Variants in VAV3 observed in about 807,000 individuals in gnomAD.
VAV3 encodes guanine nucleotide exchange factor VAV3.
VAV3 carries 94 observed loss-of-function variants against 131.2 expected under a neutral mutation model. That is an observed-to-expected ratio of 0.72 (90% CI 0.61 to 0.85). The LOEUF is 0.85. Among genes scored for constraint, VAV3 ranks in the 40% least tolerant of loss-of-function variants. The pLI, the probability that VAV3 is intolerant of heterozygous loss-of-function variation, is 0.00. For missense variants in VAV3, 939 were observed against 1,002.7 expected, an observed-to-expected ratio of 0.94 and a Z score of 0.86; for synonymous variants, 349 against 342.0, an observed-to-expected ratio of 1.02 and a Z score of -0.22.
At chr1:107,933,263 G>C (rs1673542013) in intron 1 of VAV3, among the ~76,000 whole-genome samples, 1 of 150,714 alleles carries the variant, frequency 6.6e-6, no homozygotes, top group African/African-American at 2.4e-5. Flanking sequence ...TTGGTTGGTG[G>C]TGGTGTGGTG....
chr1:107,742,968 C>T (rs1663111222), intron 15 of VAV3, among the ~76,000 whole-genome samples: 1 of 152,120 alleles, frequency 6.6e-6, no homozygotes, highest in South Asian at 2.1e-4. Context: ...GGATATAGAA[C>T]CAGCTACTCA....
chr1:107,573,432 T>C, intron 26 of VAV3, 60 bp from the exon 27 acceptor site: 1 of 1,601,940 alleles, frequency 6.2e-7, no homozygotes, highest in South Asian at 1.1e-5. Flanking sequence ...TTCAAAGGAT[T>C]CTACAAACAG....
At chr1:107,807,068 G>A (rs1019764921) in intron 2 of VAV3, among the ~76,000 whole-genome samples, 2 of 152,116 alleles carry the variant, frequency 1.3e-5, no homozygotes, top group Non-Finnish European at 2.9e-5. Context: ...ATCTCTGGTT[G>A]GTTGAACCCA....
rs147964427 is a variant in VAV3 at position 107,769,607 on chromosome 1, A to G, written c.648+1029T>C. On this transcript the variant is annotated intron_variant, in intron 6 of 26. Transcript: ENST00000370056. The stretch of plus-strand genomic sequence containing the variant: ...TGATAATGGCCCAATCTATTTGTCA[A>G]TTCAGTCTTTCCCCTTAATGCCTGA... 1.7e-3 allele frequency among the ~76,000 whole-genome samples: 260 copies of G among 152,290 alleles called. 5 individuals are homozygous for G. The East Asian group carries it at 0.034, about 20-fold the overall frequency.
chr1:107,909,683 T>C (rs1055942308), intron 1 of VAV3, among the ~76,000 whole-genome samples: 2 of 152,156 alleles, frequency 1.3e-5, no homozygotes, highest in Admixed American at 6.5e-5. Flanking sequence ...TATATAATTA[T>C]AAACTCAGTT....
chr1:107,834,795 G>T (rs1164630329), intron 2 of VAV3, among the ~76,000 whole-genome samples: 2 of 152,130 alleles, frequency 1.3e-5, no homozygotes, highest in African/African-American at 4.8e-5. Context: ...TGGGGTTGCT[G>T]AATGCCAGGA....
intron 15 of VAV3, among the ~76,000 whole-genome samples, chr1:107,728,149 T>C (rs1205923198): frequency 6.6e-6 from 1 of 152,168 alleles, no homozygotes; most frequent in Non-Finnish European, 1.5e-5. Context: ...GGAGGTTGGT[T>C]GAGTCTTCCT....
At chr1:107,727,506 T>C (rs952315812) in intron 15 of VAV3, among the ~76,000 whole-genome samples, 11 of 152,258 alleles carry the variant, frequency 7.2e-5, no homozygotes, top group African/African-American at 2.7e-4. Context: ...AAATCAGGTT[T>C]ATTGGCAATT....
intron 2 of VAV3, among the ~76,000 whole-genome samples, chr1:107,868,251 A>G (rs539523916): frequency 3.8e-4 from 58 of 152,198 alleles, no homozygotes; most frequent in Non-Finnish European, 6.3e-4. Context: ...TTTTATGTCA[A>G]ACAAGTACCT....
intron 1 of VAV3, among the ~76,000 whole-genome samples, chr1:107,952,959 T>C (rs571786135): frequency 6.6e-6 from 1 of 152,190 alleles, no homozygotes; most frequent in Non-Finnish European, 1.5e-5. Flanking sequence ...GAAATTTCGT[T>C]GTTTTAGATG....
intron 1 of VAV3, among the ~76,000 whole-genome samples, chr1:107,943,269 T>C (rs1210494160): frequency 6.6e-6 from 1 of 152,222 alleles, no homozygotes; most frequent in Non-Finnish European, 1.5e-5. Flanking sequence ...GGATGCTTTC[T>C]TGGTCTGCTC....
intron 21 of VAV3, among the ~76,000 whole-genome samples, chr1:107,613,813 T>C (rs1652934892): frequency 2.0e-5 from 3 of 152,142 alleles, no homozygotes; most frequent in Non-Finnish European, 1.5e-5. Context: ...CAGACAGCAT[T>C]TGAATTTTCA....
At chr1:107,757,153 ATGTGTGTGTGTG>A (rs34437461) in intron 11 of VAV3, 96 bp downstream of exon 11, 225 of 593,020 alleles carry the variant, frequency 3.8e-4, no homozygotes, top group Admixed American at 1.4e-3. Context: ...ATGTGTGTAT[ATGTGTGTGTGTG>A]TGTGTGTGTG....
chr1:107,946,073 C>CTT (rs1674249118), intron 1 of VAV3, among the ~76,000 whole-genome samples: 6 of 151,930 alleles, frequency 3.9e-5, no homozygotes, highest in Non-Finnish European at 7.4e-5. Flanking sequence ...CTAAGGGTTA[C>CTT]AAAGGGGTTC....
intron 2 of VAV3, among the ~76,000 whole-genome samples, chr1:107,844,439 C>T (rs1242076019): frequency 2.0e-5 from 3 of 152,110 alleles, no homozygotes; most frequent in Admixed American, 6.5e-5. Context: ...TTTTCCGTAC[C>T]CCAGTGGTTC....
At chr1:107,785,651 T>A (rs1665939900) in intron 2 of VAV3, 6 of 1,118,602 alleles carry the variant, frequency 5.4e-6, no homozygotes, top group Non-Finnish European at 6.6e-6. Context: ...CCCTGTGGGG[T>A]TGTGGAGAAA....
intron 15 of VAV3, among the ~76,000 whole-genome samples, chr1:107,720,745 G>A (rs544229595): frequency 5.9e-5 from 9 of 152,276 alleles, no homozygotes; most frequent in South Asian, 2.1e-4. Flanking sequence ...ATGAAGATAC[G>A]TATCCTCTAC....
At chr1:107,818,311 C>T (rs1308830156) in intron 2 of VAV3, among the ~76,000 whole-genome samples, 1 of 152,180 alleles carries the variant, frequency 6.6e-6, no homozygotes, top group Non-Finnish European at 1.5e-5. Flanking sequence ...TGGAGCTCTA[C>T]TGTGTTCCCT....
intron 12 of VAV3, among the ~76,000 whole-genome samples, chr1:107,753,151 T>C (rs1486802761): frequency 6.6e-6 from 1 of 152,106 alleles, no homozygotes; most frequent in African/African-American, 2.4e-5. Context: ...TGTTGACACA[T>C]GACTACTACA....
Sources: gnomAD v4.1 joint callset for allele counts (sites outside exome capture counted in the v4.1 genomes callset) on GRCh38, gnomAD v4.1.1 for gene constraint, MANE v1.5 for transcripts, NCBI Gene and HGNC (gene_info 2026-07-23, HGNC 2026-07-21) for gene names.